MVB12A: variants seen among roughly 807,000 people sequenced by gnomAD.
The protein encoded by MVB12A is CIN85/CD2AP family binding protein.
Under a neutral mutation model 34.3 loss-of-function variants are expected in MVB12A, and 30 were observed. The ratio of observed to expected loss-of-function variants is 0.88; its 90% CI spans 0.65 to 1.19. The LOEUF (loss-of-function observed/expected upper bound fraction) is 1.19, where lower values mean the gene tolerates loss of function less well. Among genes scored for constraint, MVB12A ranks in the 50% most tolerant of loss-of-function variants. The probability of loss-of-function intolerance (pLI) is 0.00; values close to 1 mark genes in which losing one functional copy is unlikely to be tolerated. For missense variants in MVB12A, 355 were observed against 369.2 expected (o/e 0.96, Z 0.31); for synonymous variants, 158 against 158.9 (o/e 0.99, Z 0.04).
intron 2 of MVB12A, among the ~76,000 whole-genome samples, chr19:17,407,741 C>A (rs1210256902): frequency 6.6e-6 from 1 of 152,168 alleles, no homozygotes; most frequent in African/African-American, 2.4e-5. Flanking sequence ...TAACCGCGGG[C>A]GAGCCTGACT....
intron 2 of MVB12A, among the ~76,000 whole-genome samples, chr19:17,410,864 G>A (rs1252727681): frequency 3.7e-5 from 5 of 136,932 alleles, no homozygotes; most frequent in African/African-American, 1.3e-4. Context: ...AGAGGCAGAG[G>A]TTGCAGTGCA....
upstream of MVB12A, chr19:17,417,043 C>A: frequency 5.0e-6 from 2 of 399,664 alleles, no homozygotes; most frequent in East Asian, 6.9e-5. Flanking sequence ...CTTCATCTTC[C>A]TCTTCCACTT....
upstream of MVB12A, chr19:17,419,778 G>A (rs2074823278): frequency 5.9e-6 from 1 of 170,494 alleles, no homozygotes; most frequent in African/African-American, 2.4e-5. Flanking sequence ...TAGCAGCTGA[G>A]GCCGGAAGGA....
chr19:17,420,412 G>A lies in MVB12A; in HGVS notation c.189+1G>A, dbSNP rs768693405. ...CCTTAGTTCTCTGGGCAGCCTAGAG[G>A]TAAGAGGTGCCCACCTTCGGAACCA... On this transcript the variant is annotated splice_donor_variant, in intron 2 of 8. Transcript: ENST00000317040. LOFTEE classifies it high-confidence loss of function. The A allele has an allele frequency of 1.9e-6, 3 of 1,613,744 alleles. No homozygotes were observed. Among genetic ancestry groups the A allele is most frequent in the East Asian group, 2.2e-5 (1 of 44,870 alleles).
In MVB12A at chr19:17,424,560, C is replaced by T. The variant is rs368722315; in HGVS notation, c.703-61C>T. 2,579 of 1,567,814 alleles carry T rather than the reference C, an allele frequency of 1.6e-3. 7 individuals are homozygous for T. The highest frequency in any genetic ancestry group is 1.9e-3 in the Non-Finnish European group (2,154 of 1,150,222). On this transcript the variant is annotated intron_variant, in intron 7 of 8. Coordinates refer to ENST00000317040, the MANE Select transcript of MVB12A (RefSeq NM_138401.4). Reference sequence around the variant, plus strand: ...GGGGGAGGGCAGGACCCCTTGAAGACGAAGGAAAGGGGGTTTCAGGTTGAG... The same window carrying T: ...GGGGGAGGGCAGGACCCCTTGAAGATGAAGGAAAGGGGGTTTCAGGTTGAG...
rs748576877 is a variant in MVB12A, at chr19:17,425,008, G to C, written c.*15G>C. The stretch of plus-strand genomic sequence containing the variant: ...GCGTCTCATAGTCCCTCACCCTTCC[G>C]CGGAAAGAGCCCCCTTACTCCACCT... On this transcript the variant is annotated 3_prime_UTR_variant, in exon 9 of 9. Transcript: ENST00000317040. 4 of 1,559,972 alleles carry C rather than the reference G, an allele frequency of 2.6e-6. No individual in the cohort carries two copies. The highest frequency in any genetic ancestry group is 3.5e-6 in the Non-Finnish European group (4 of 1,143,334).
chr19:17,420,685 G>T, intron 3 of MVB12A, 51 bp downstream of exon 3: 1 of 1,392,408 alleles, frequency 7.2e-7, no homozygotes, highest in South Asian at 1.2e-5. Flanking sequence ...GCAGGGAGGA[G>T]CGGGGGAGGA....
At chr19:17,413,649 G>T (rs1365285350) in intron 2 of MVB12A, among the ~76,000 whole-genome samples, 2 of 152,224 alleles carry the variant, frequency 1.3e-5, no homozygotes, top group Non-Finnish European at 2.9e-5. Flanking sequence ...GATCAAGGAT[G>T]CAGTGAGCCA....
upstream of MVB12A, among the ~76,000 whole-genome samples, chr19:17,418,543 C>T (rs192418516): frequency 6.6e-6 from 1 of 151,516 alleles, no homozygotes; most frequent in South Asian, 2.1e-4. Context: ...CAGACGCGCA[C>T]CACCACGCCT....
chr19:17,410,529 T>TATATATATACACACACACACACACAC, intron 2 of MVB12A, among the ~76,000 whole-genome samples: 10 of 74,406 alleles, frequency 1.3e-4, no homozygotes, highest in Admixed American at 3.0e-4. Flanking sequence ...TATATATATA[T>TATATATATACACACACACACACACAC]ACACACACAC....
chr19:17,412,511 C>T (rs1291872842), intron 2 of MVB12A, among the ~76,000 whole-genome samples: 1 of 152,190 alleles, frequency 6.6e-6, no homozygotes, highest in African/African-American at 2.4e-5. Flanking sequence ...AAGTGTTCCA[C>T]CCGCCTCAGC....
chr19:17,420,332 G>A lies in MVB12A; in HGVS notation c.110G>A (p.Gly37Glu). The change falls in exon 2 of 9, where the codon GGG becomes GAG. Residue 37 changes from glycine (G) to glutamate (E), a missense_variant. By Grantham distance (98) the Gly-to-Glu change is moderately conservative. Transcript: ENST00000317040. ...GFSAISCTVE[G>E]APASFGKSFA... ...CGGTAGATCTCCTGCACCGTCGAGG[G>A]GGCACCCGCCAGCTTTGGCAAGAGC... The A allele has an allele frequency of 1.9e-6, 3 of 1,611,884 alleles. No individual in the cohort carries two copies. The highest frequency in any genetic ancestry group is 1.1e-5 in the South Asian group (1 of 90,998).
chr19:17,410,529 T>TATATATATACACACACACACACACACAC lies in MVB12A; in HGVS notation c.-5+4234_-5+4235insTATATATACACACACACACACACACACA. On this transcript the variant is annotated intron_variant, in intron 2 of 6. Transcript: ENST00000528604. The stretch of plus-strand genomic sequence containing the variant: ...ATATATATATATATATATATATATA[T>TATATATATACACACACACACACACACAC]ACACACACACATATATATATACACA... Among the ~76,000 whole-genome samples the TATATATATACACACACACACACACACAC allele has an allele frequency of 4.2e-4, 31 of 74,380 alleles. 1 individual carries two copies. The highest frequency in any genetic ancestry group is 9.0e-4 in the Admixed American group (6 of 6,638). 48.8% of individuals were successfully genotyped at this position (74,380 alleles called of 152,430 possible).
chr19:17,422,310 C>T, intron 3 of MVB12A, 22 bp from the exon 4 acceptor site: 1 of 1,599,860 alleles, frequency 6.3e-7, no homozygotes, highest in Non-Finnish European at 8.5e-7. Context: ...CCCTCTCTCA[C>T]TCCCCTACCC....
chr19:17,408,458 T>TTA (rs1568386535), intron 2 of MVB12A, among the ~76,000 whole-genome samples: 7 of 140,780 alleles, frequency 5.0e-5, no homozygotes, highest in South Asian at 4.6e-4. Flanking sequence ...TTAATTAATT[T>TTA]TTTTTGAGAT....
intron 3 of MVB12A, chr19:17,421,213 T>TCGCTCTTGTTGCCCAGGCTGGAGTGC (rs1190217360): frequency 2.6e-6 from 1 of 383,610 alleles, no homozygotes; most frequent in South Asian, 1.9e-5. Context: ...AGACGGAGTT[T>TCGCTCTTGTTGCCCAGGCTGGAGTGC]CGCTCTTGTT....
At chr19:17,423,466 C>G (rs1462064218) in intron 4 of MVB12A, 32 bp from the exon 5 acceptor site, 2 of 1,605,898 alleles carry the variant, frequency 1.2e-6, no homozygotes, top group African/African-American at 2.7e-5. Context: ...CACACCGGGC[C>G]AGCATCCCTC....
At chr19:17,416,180 C>T (rs1429752651), upstream of MVB12A, among the ~76,000 whole-genome samples, 1 of 151,228 alleles carries the variant, frequency 6.6e-6, no homozygotes, top group Non-Finnish European at 1.5e-5. Context: ...CCTCTGGGTT[C>T]AAGCAATTCT....
Position 17,413,752 on chromosome 19 carries a change from G to A in MVB12A, c.-5+7456G>A, listed in dbSNP as rs545134246. ...ACAAACAACAACAACTTTTCCTTTG[G>A]CAAACTGCCTTTGGAAGGTCCTCAT... On this transcript the variant is annotated intron_variant, in intron 2 of 6. Coordinates refer to the MVB12A transcript ENST00000528604. Among the ~76,000 whole-genome samples, 29 of 152,262 alleles carry A rather than the reference G, an allele frequency of 1.9e-4. No homozygotes were observed. The South Asian group carries it at 6.0e-3, about 32-fold the overall frequency.
Sources: gnomAD v4.1 joint callset for allele counts (sites outside exome capture counted in the v4.1 genomes callset) on GRCh38, gnomAD v4.1.1 for gene constraint, MANE v1.5 for transcripts, NCBI Gene and HGNC (gene_info 2026-07-23, HGNC 2026-07-21) for gene names.